Variants in COMMD7 observed in about 807,000 individuals in gnomAD.
COMMD7 encodes the protein COMM domain-containing protein 7.
COMMD7 carries 28 observed loss-of-function variants against 34.8 expected under a neutral mutation model. The ratio of observed to expected loss-of-function variants is 0.80; its 90% CI spans 0.60 to 1.10. COMMD7 has a LOEUF of 1.10. COMMD7 is among the 50% of genes least tolerant of loss of function. The pLI, the probability that COMMD7 is intolerant of heterozygous loss-of-function variation, is 0.00. For synonymous variants in COMMD7, 80 were observed against 86.4 expected, an observed-to-expected ratio of 0.93 and a Z score of 0.41; for missense variants, 211 against 241.6, an observed-to-expected ratio of 0.87 and a Z score of 0.84.
intron 1 of COMMD7, among the ~76,000 whole-genome samples, chr20:32,735,299 T>A (rs1333328084): frequency 6.6e-6 from 1 of 151,942 alleles, no homozygotes; most frequent in Non-Finnish European, 1.5e-5. Context: ...TTTATTTCTA[T>A]AAAAATAACT....
At chr20:32,706,147 G>A (rs1309726743) in intron 5 of COMMD7, among the ~76,000 whole-genome samples, 10 of 151,170 alleles carry the variant, frequency 6.6e-5, no homozygotes, top group Non-Finnish European at 1.3e-4. Context: ...GCAGTGAGCC[G>A]AGATTGTGCC....
intron 5 of COMMD7, among the ~76,000 whole-genome samples, chr20:32,706,198 C>CAAAA (rs750061575): frequency 1.9e-5 from 2 of 106,300 alleles, no homozygotes; most frequent in Non-Finnish European, 2.0e-5. Flanking sequence ...AACTCTGTCT[C>CAAAA]AAAAAAAAAA....
At chr20:32,719,443 G>A (rs1371652957) in intron 3 of COMMD7, among the ~76,000 whole-genome samples, 3 of 152,140 alleles carry the variant, frequency 2.0e-5, no homozygotes, top group African/African-American at 7.2e-5. Context: ...GAGGTCAGGA[G>A]TTCGAGACCA....
At chr20:32,742,859 C>T (rs563883781) in intron 1 of COMMD7, among the ~76,000 whole-genome samples, 2 of 152,262 alleles carry the variant, frequency 1.3e-5, no homozygotes, top group East Asian at 3.9e-4. Flanking sequence ...CCTCAGGCTT[C>T]CTCGGCCTCC....
In COMMD7 at chr20:32,705,031, G is replaced by A. The variant is rs73251838; in HGVS notation, c.337-127C>T. 4,253 of 686,814 alleles carry A rather than the reference G, an allele frequency of 6.2e-3. 123 individuals carry two copies. The African/African-American group carries it at 0.068, about 11-fold the overall frequency. The allele number at this position is 686,814 out of a possible 1,614,324, so 42.5% of individuals were successfully genotyped here. A position where few individuals can be genotyped will look rare whatever the true frequency, so the allele number is the denominator to read the frequency against. ...GGAGGGTGCAGAAGATAGTGGGGAGGGTGCAGAACGAAGGGCTCAGTCTAT... is the reference window on the plus strand; with the variant it reads ...GGAGGGTGCAGAAGATAGTGGGGAGAGTGCAGAACGAAGGGCTCAGTCTAT... On this transcript the variant is annotated intron_variant, in intron 5 of 8. Coordinates refer to ENST00000278980, the MANE Select transcript of COMMD7 (RefSeq NM_053041.3).
chr20:32,726,062 CAAAAAAA>C (rs34689858), intron 3 of COMMD7, among the ~76,000 whole-genome samples: 68 of 71,132 alleles, frequency 9.6e-4, no homozygotes, highest in African/African-American at 3.3e-3. Context: ...AAGCCTGTCT[CAAAAAAA>C]AAAAAAAAAA....
At chr20:32,716,897 C>T (rs1341941381) in intron 3 of COMMD7, among the ~76,000 whole-genome samples, 4 of 151,184 alleles carry the variant, frequency 2.6e-5, no homozygotes, top group African/African-American at 9.7e-5. Flanking sequence ...CTAGCTCTGT[C>T]GTCCAGGCCA....
intron 3 of COMMD7, among the ~76,000 whole-genome samples, chr20:32,707,135 T>A (rs1433086436): frequency 2.2e-5 from 3 of 136,940 alleles, no homozygotes; most frequent in Admixed American, 7.2e-5. Context: ...AAAAAAAAAA[T>A]TAGCCAGGCA....
intron 3 of COMMD7, among the ~76,000 whole-genome samples, chr20:32,714,856 A>ACAACAACAACAAC (rs1555823789): frequency 1.3e-5 from 2 of 150,028 alleles, no homozygotes; most frequent in African/African-American, 2.5e-5. Flanking sequence ...AACAACAACA[A>ACAACAACAACAAC]AAATTAGCCA....
chr20:32,718,242 A>C (rs1377229047), intron 3 of COMMD7, among the ~76,000 whole-genome samples: 1 of 151,458 alleles, frequency 6.6e-6, no homozygotes, highest in Non-Finnish European at 1.5e-5. Flanking sequence ...GTCTCTACTA[A>C]AAATACAAAA....
intron 1 of COMMD7, among the ~76,000 whole-genome samples, chr20:32,731,929 G>A (rs1373711572): frequency 1.3e-5 from 2 of 152,124 alleles, no homozygotes; most frequent in Non-Finnish European, 2.9e-5. Flanking sequence ...AGTAAAACCA[G>A]AATATACTAT....
At position 32,703,464 on chromosome 20, in the gene COMMD7, G is replaced by A. The variant is rs1199436828; in HGVS notation, c.527-6C>T. 1.2e-6 allele frequency: 2 copies of A among 1,611,424 alleles called. No homozygotes were observed. The highest frequency in any genetic ancestry group is 1.7e-5 in the Admixed American group (1 of 59,140). On this transcript the variant is annotated splice_polypyrimidine_tract_variant and splice_region_variant and intron_variant, in intron 8 of 8. Transcript: ENST00000278980. ...GAACTGAGGCAAGGTTAATTCTGGG[G>A]AGAGAAAATTCAGCTTCAGATAAAT...
At chr20:32,725,573 T>G (rs573328199) in intron 3 of COMMD7, among the ~76,000 whole-genome samples, 115 of 151,726 alleles carry the variant, frequency 7.6e-4, no homozygotes, top group African/African-American at 2.7e-3. Context: ...AGACTACAGG[T>G]GCCAGCCACC....
At chr20:32,724,141 T>TG (rs1157776788) in intron 3 of COMMD7, among the ~76,000 whole-genome samples, 12 of 7,952 alleles carry the variant, frequency 1.5e-3, no homozygotes, top group African/African-American at 3.6e-3. Context: ...AGGAGGGAGG[T>TG]GGGGGGGTCA....
chr20:32,706,383 T>C (rs1984080398), intron 5 of COMMD7, among the ~76,000 whole-genome samples, 200 bp downstream of exon 5: 1 of 151,382 alleles, frequency 6.6e-6, no homozygotes, highest in Non-Finnish European at 1.5e-5. Flanking sequence ...CATGGTGGCA[T>C]GTGCCTGTAG....
At chr20:32,736,815 T>C (rs1374451432) in intron 1 of COMMD7, among the ~76,000 whole-genome samples, 1 of 152,076 alleles carries the variant, frequency 6.6e-6, no homozygotes, top group South Asian at 2.1e-4. Flanking sequence ...CCACAGTGGG[T>C]ATATCACTTG....
chr20:32,707,283 CA>C (rs1242140132), intron 3 of COMMD7, among the ~76,000 whole-genome samples: 42 of 67,048 alleles, frequency 6.3e-4, no homozygotes, highest in South Asian at 3.2e-3. Context: ...GACTCCGTCT[CA>C]AAAAAAAAAA....
chr20:32,706,180 G>A (rs1485609917), intron 5 of COMMD7, among the ~76,000 whole-genome samples: 5 of 148,254 alleles, frequency 3.4e-5, no homozygotes, highest in Non-Finnish European at 5.9e-5. Flanking sequence ...CCTGGGCAAC[G>A]AGAGCGAAAC....
intron 3 of COMMD7, among the ~76,000 whole-genome samples, chr20:32,725,226 TG>T (rs746656407): frequency 2.6e-5 from 4 of 151,946 alleles, no homozygotes; most frequent in Admixed American, 6.6e-5. Flanking sequence ...CCAGGTATGA[TG>T]AAAAAATGTG....
Sources: gnomAD v4.1 joint callset for allele counts (sites outside exome capture counted in the v4.1 genomes callset) on GRCh38, gnomAD v4.1.1 for gene constraint, MANE v1.5 for transcripts, NCBI Gene and HGNC (gene_info 2026-07-23, HGNC 2026-07-21) for gene names.